FRMPD4: variants seen among roughly 807,000 people sequenced by gnomAD.
FRMPD4 encodes FERM and PDZ domain containing 4.
A neutral mutation model predicts 94.1 loss-of-function variants in FRMPD4; 22 were observed. The observed-to-expected ratio is 0.23, with a 90% CI of 0.17 to 0.33. The LOEUF (loss-of-function observed/expected upper bound fraction) is 0.33. Among genes scored for constraint, FRMPD4 ranks in the 10% least tolerant of loss-of-function variants. The pLI is 1.00. For synonymous variants in FRMPD4, 631 were observed against 548.6 expected (o/e 1.15, Z -2.10); for missense variants, 1,111 against 1,339.9 (o/e 0.83, Z 2.67).
At chrX:12,441,706 A>T (rs1481184651) in intron 1 of FRMPD4, among the ~76,000 whole-genome samples, 1 of 112,278 alleles carries the variant, frequency 8.9e-6, no homozygotes, top group African/African-American at 3.2e-5. Context: ...GGAATAAATG[A>T]ATGGTGTAGT....
intron 7 of FRMPD4, among the ~76,000 whole-genome samples, chrX:12,688,643 G>C (rs768048185): frequency 9.0e-6 from 1 of 111,645 alleles, no homozygotes; most frequent in East Asian, 2.8e-4. Flanking sequence ...TGTCCTCCCT[G>C]GTGGTTCAGG....
At chrX:12,718,897 A>G in intron 16 of FRMPD4, 107 bp downstream of exon 16, 1 of 517,272 alleles carries the variant, frequency 1.9e-6, no homozygotes, top group African/African-American at 2.3e-5. Flanking sequence ...TAAAAGGTAG[A>G]ATTTTAAAAG....
intron 2 of FRMPD4, among the ~76,000 whole-genome samples, chrX:12,601,744 C>T (rs183522056): frequency 1.8e-5 from 2 of 111,774 alleles, no homozygotes; most frequent in East Asian, 2.8e-4. Context: ...ACCCACATTA[C>T]GTGCTCCTAA....
At chrX:12,364,124 A>C (rs2056038373) in intron 1 of FRMPD4, among the ~76,000 whole-genome samples, 1 of 110,398 alleles carries the variant, frequency 9.1e-6, no homozygotes, top group South Asian at 3.8e-4. Flanking sequence ...CTCCACCCCC[A>C]AGCCCTACCC....
chrX:12,363,766 G>A (rs1019497042), intron 1 of FRMPD4, among the ~76,000 whole-genome samples: 7 of 111,984 alleles, frequency 6.3e-5, no homozygotes, highest in African/African-American at 1.6e-4. Flanking sequence ...TTGTTGTGGC[G>A]TGTGTGCATT....
intron 4 of FRMPD4, among the ~76,000 whole-genome samples, chrX:12,644,075 TTC>T (rs1602253245): frequency 9.0e-6 from 1 of 111,339 alleles, no homozygotes; most frequent in African/African-American, 3.3e-5. Context: ...TCTTTTTTTT[TTC>T]TTTTTTCTTT....
At chrX:12,707,345 T>A (rs7880793) in intron 12 of FRMPD4, 124 bp from the exon 13 acceptor site, 1 of 527,294 alleles carries the variant, frequency 1.9e-6, no homozygotes, top group Admixed American at 3.6e-5. Context: ...GATGATTTAG[T>A]ACAGTATGAC....
At chrX:12,146,457 C>T in intron 1 of FRMPD4, among the ~76,000 whole-genome samples, 1 of 105,743 alleles carries the variant, frequency 9.5e-6, no homozygotes, top group South Asian at 4.8e-4. Flanking sequence ...ACCAAACACA[C>T]ACGTGTATAC....
chrX:11,953,487 A>G (rs2054237008), intron 3 of FRMPD4, among the ~76,000 whole-genome samples: 2 of 111,401 alleles, frequency 1.8e-5, no homozygotes, highest in Admixed American at 1.9e-4. Context: ...TCCATTATCA[A>G]ATAAAAAGCA....
chrX:12,243,764 G>GCAGAAA (rs1229815620), intron 1 of FRMPD4, among the ~76,000 whole-genome samples: 2 of 95,679 alleles, frequency 2.1e-5, no homozygotes, highest in Non-Finnish European at 4.1e-5. Flanking sequence ...TCACACTGGA[G>GCAGAAA]CAGAAACAGT....
chrX:12,289,375 G>A (rs2054650898), intron 1 of FRMPD4, among the ~76,000 whole-genome samples: 1 of 111,899 alleles, frequency 8.9e-6, no homozygotes, highest in Non-Finnish European at 1.9e-5. Flanking sequence ...GTAGACACTA[G>A]CCCATATACA....
intron 2 of FRMPD4, among the ~76,000 whole-genome samples, chrX:12,509,298 C>T (rs112573270): frequency 0.016 from 1,778 of 111,813 alleles, 43 homozygotes; most frequent in African/African-American, 0.054. Flanking sequence ...TTTACAGCAG[C>T]ACAATTCGCA....
chrX:12,062,941 A>G (rs2054895357), intron 3 of FRMPD4, among the ~76,000 whole-genome samples: 1 of 111,894 alleles, frequency 8.9e-6, no homozygotes, highest in Non-Finnish European at 1.9e-5. Flanking sequence ...ATCATATAGG[A>G]CTTCCAGTCC....
chrX:12,558,113 C>T (rs6654959), intron 2 of FRMPD4, among the ~76,000 whole-genome samples: 1,689 of 112,402 alleles, frequency 0.015, 31 homozygotes, highest in African/African-American at 0.052. Flanking sequence ...TACAAATGTA[C>T]AGCATGTCAA....
chrX:12,345,183 C>T (rs12861120), intron 1 of FRMPD4, among the ~76,000 whole-genome samples: 7 of 86,660 alleles, frequency 8.1e-5, no homozygotes, highest in East Asian at 4.3e-4. Flanking sequence ...GATGGATAGA[C>T]GGATGAATGA....
chrX:12,705,020 A>T (rs2041851183), intron 11 of FRMPD4, among the ~76,000 whole-genome samples: 1 of 111,668 alleles, frequency 9.0e-6, no homozygotes, highest in South Asian at 3.8e-4. Flanking sequence ...TACCCACAAG[A>T]TGCCAGTAGC....
At chrX:12,611,822 G>A (rs1307922858) in intron 3 of FRMPD4, among the ~76,000 whole-genome samples, 2 of 108,739 alleles carry the variant, frequency 1.8e-5, no homozygotes, top group South Asian at 3.9e-4. Context: ...TGTTGAGCTC[G>A]ACACAATTGA....
At chrX:12,699,988 G>T (rs954060349) in intron 9 of FRMPD4, among the ~76,000 whole-genome samples, 4 of 111,983 alleles carry the variant, frequency 3.6e-5, no homozygotes, top group Non-Finnish European at 7.5e-5. Flanking sequence ...TTCTGGAATG[G>T]GAGTCTTATG....
chrX:12,035,884 T>C (rs1359918719), intron 3 of FRMPD4, among the ~76,000 whole-genome samples: 2 of 112,120 alleles, frequency 1.8e-5, no homozygotes, highest in Admixed American at 1.9e-4. Flanking sequence ...TCTGGAAGTA[T>C]GCATAGTAAT....
Sources: gnomAD v4.1 joint callset for allele counts (sites outside exome capture counted in the v4.1 genomes callset) on GRCh38, gnomAD v4.1.1 for gene constraint, MANE v1.5 for transcripts, NCBI Gene and HGNC (gene_info 2026-07-23, HGNC 2026-07-21) for gene names.